Variants in LMTK2 observed in about 807,000 individuals in gnomAD.
The protein encoded by LMTK2 is lemur tail kinase 2, also known as serine/threonine-protein kinase LMTK2.
In LMTK2, 37 loss-of-function variants were observed where a neutral mutation model predicts 127.5. The observed-to-expected ratio is 0.29, with a 90% CI of 0.22 to 0.38. The LOEUF is 0.38. Among genes scored for constraint, LMTK2 ranks in the 10% least tolerant of loss-of-function variants. LMTK2 has a pLI of 1.00. For synonymous variants in LMTK2, 819 were observed against 810.1 expected (o/e 1.01, Z -0.19); for missense variants, 1,694 against 1,920.3 (o/e 0.88, Z 2.20).
Position 98,128,305 on chromosome 7 carries a change from A to G in LMTK2, c.104-9010A>G, listed in dbSNP as rs116662689. 6.2e-3 allele frequency among the ~76,000 whole-genome samples: 942 copies of G among 152,304 alleles called. 13 individuals carry two copies. The highest frequency in any genetic ancestry group is 0.021 in the African/African-American group (878 of 41,540). Reference sequence around the variant, plus strand: ...GAGTCCTGAGGGCGGGCCGTAGTCCATTCTCACTGTTGTCCTTGTAAAATG... The same window carrying G: ...GAGTCCTGAGGGCGGGCCGTAGTCCGTTCTCACTGTTGTCCTTGTAAAATG... On this transcript the variant is annotated intron_variant, in intron 1 of 13. Transcript: ENST00000297293.
intron 3 of LMTK2, among the ~76,000 whole-genome samples, chr7:98,144,022 C>T (rs1445996494): frequency 6.6e-6 from 1 of 152,164 alleles, no homozygotes; most frequent in Non-Finnish European, 1.5e-5. Flanking sequence ...ATACCACATA[C>T]AAGCAATTCT....
rs149759145 is a variant in LMTK2, at chr7:98,194,134, C to G, written c.3669C>G (p.Cys1223Trp). ...TCGAGACACAGGACGATCGCCCCTG[C>G]ACCCTCGCTTCCACGGGGACCAACA... ...DDFETQDDRPCTLASTGTNTN... is the reference protein window; with the variant it reads ...DDFETQDDRPWTLASTGTNTN... Residue 1223 changes from cysteine (C) to tryptophan (W), a missense_variant, in exon 11 of 14, where the codon TGC becomes TGG. This residue lies in a region of LMTK2 where 554 missense variants were observed against 567.7 expected (regional missense o/e 0.98). Transcript: ENST00000297293. The surrounding 1 kb of genome is among the most constrained non-coding windows in gnomAD (Gnocchi z 5.4). 11 of 1,614,016 alleles carry G rather than the reference C, an allele frequency of 6.8e-6. No homozygotes were observed. The highest frequency in any genetic ancestry group is 9.3e-6 in the Non-Finnish European group (11 of 1,180,044).
intron 1 of LMTK2, among the ~76,000 whole-genome samples, chr7:98,130,992 A>G: frequency 6.6e-6 from 1 of 152,184 alleles, no homozygotes; most frequent in East Asian, 1.9e-4. Context: ...GAAAGCTTCA[A>G]GCATGCAAGA....
intron 1 of LMTK2, among the ~76,000 whole-genome samples, chr7:98,130,826 A>G (rs1796511071): frequency 1.3e-5 from 2 of 152,184 alleles, no homozygotes; most frequent in Admixed American, 6.5e-5. Context: ...CCAAAACTAG[A>G]GAATAAATTT....
rs897842917 is a variant in LMTK2, at chr7:98,119,861, T to C, written c.103+12581T>C. ...TGTTTTGTTTTGCTAGGATAATATGTTGTTAGCATCTTGCTTTTAAAAAGT... is the reference window on the plus strand; with the variant it reads ...TGTTTTGTTTTGCTAGGATAATATGCTGTTAGCATCTTGCTTTTAAAAAGT... On this transcript the variant is annotated intron_variant, in intron 1 of 13. Coordinates refer to ENST00000297293, the MANE Select transcript of LMTK2 (RefSeq NM_014916.4). Among the ~76,000 whole-genome samples the C allele has an allele frequency of 1.4e-4, 21 of 152,396 alleles. No individual in the cohort carries two copies. The Middle Eastern group carries it at 0.014, about 99-fold the overall frequency.
chr7:98,151,159 A>C (rs898523697), intron 3 of LMTK2, among the ~76,000 whole-genome samples: 3 of 152,228 alleles, frequency 2.0e-5, no homozygotes, highest in African/African-American at 7.2e-5. Context: ...TCGGAAAAAA[A>C]ACAATGCGCA....
At chr7:98,156,970 G>A (rs6465654) in intron 5 of LMTK2, among the ~76,000 whole-genome samples, 54,504 of 152,108 alleles carry the variant, frequency 0.36, 12,648 homozygotes, top group Middle Eastern at 0.6. Flanking sequence ...GTCATCCGCT[G>A]GGTACGGTGC....
chr7:98,161,195 C>A (rs1178990567), intron 6 of LMTK2, among the ~76,000 whole-genome samples: 2 of 151,012 alleles, frequency 1.3e-5, no homozygotes, highest in Non-Finnish European at 3.0e-5. Flanking sequence ...TTGTTTGTTT[C>A]AATTTTCCCC....
Position 98,194,491 on chromosome 7 carries a change from C to T in LMTK2, c.4026C>T (p.Pro1342=), listed in dbSNP as rs747283665. 4.3e-6 allele frequency: 7 copies of T among 1,613,654 alleles called. No homozygotes were observed. Among genetic ancestry groups the T allele is most frequent in the African/African-American group, 2.7e-5 (2 of 74,922 alleles). ...TGAAGCCCACAGCGGCCAATGCCCC[C>T]GACCCACTGCCCGAGGACTGGAAGA... ...SLLKPTAANA[P]DPLPEDWKKE... Residue 1342 remains proline, a synonymous_variant, in exon 11 of 14, where the codon CCC becomes CCT. Coordinates refer to ENST00000297293, the MANE Select transcript of LMTK2 (RefSeq NM_014916.4). The surrounding 1 kb of genome is among the most constrained non-coding windows in gnomAD (Gnocchi z 5.4).
intron 7 of LMTK2, among the ~76,000 whole-genome samples, chr7:98,172,599 A>G (rs1797210864): frequency 1.3e-5 from 2 of 152,314 alleles, no homozygotes; most frequent in East Asian, 1.9e-4. Context: ...AAACAACACA[A>G]TACGTTTAAA....
intron 3 of LMTK2, among the ~76,000 whole-genome samples, chr7:98,150,845 G>A (rs747825865): frequency 6.6e-6 from 1 of 151,636 alleles, no homozygotes; most frequent in African/African-American, 2.4e-5. Context: ...GTGTAGAGAT[G>A]GGGGCAGGTG....
intron 4 of LMTK2, among the ~76,000 whole-genome samples, chr7:98,153,129 C>A (rs1796880794): frequency 1.3e-5 from 2 of 152,098 alleles, no homozygotes; most frequent in African/African-American, 4.8e-5. Flanking sequence ...TCAGTGGGGG[C>A]ACCAAGTAGC....
chr7:98,120,205 C>T (rs939577352), intron 1 of LMTK2, among the ~76,000 whole-genome samples: 2 of 152,122 alleles, frequency 1.3e-5, no homozygotes, highest in South Asian at 2.1e-4. Context: ...TCTATGATAG[C>T]GGTTTTTGAG....
At chr7:98,164,142 G>T (rs1797056151) in intron 6 of LMTK2, among the ~76,000 whole-genome samples, 1 of 152,344 alleles carries the variant, frequency 6.6e-6, no homozygotes, top group Admixed American at 6.5e-5. Context: ...GCATTTTGTA[G>T]CTGGCCTGCA....
chr7:98,106,905 C>A lies in LMTK2; in HGVS notation c.-273C>A. 2.2e-6 allele frequency: 1 copy of A among 445,800 alleles called. No individual in the cohort carries two copies. Among genetic ancestry groups the A allele is most frequent in the Non-Finnish European group, 4.0e-6 (1 of 251,704 alleles). 27.6% of individuals were successfully genotyped at this position (445,800 alleles called of 1,614,324 possible). A position where few individuals can be genotyped will look rare whatever the true frequency, so the allele number is the denominator to read the frequency against. On this transcript the variant is annotated 5_prime_UTR_variant, in exon 1 of 14. Transcript: ENST00000297293. ...TCATGGCGGCGGGAGCGCGGCTTCC[C>A]AGGCCCGCCGCTCCGCAGGGCTGCT...
Position 98,193,885 on chromosome 7 carries a change from C to A in LMTK2, c.3420C>A (p.Val1140=). The A allele has an allele frequency of 1.2e-6, 2 of 1,614,096 alleles. No individual in the cohort carries two copies. The highest frequency in any genetic ancestry group is 1.3e-5 in the African/African-American group (1 of 75,028). ...LVQEQPLPEP[V]LPEQSPAAQD... ...AGGAGCAGCCCCTACCCGAGCCAGT[C>A]CTCCCCGAGCAAAGTCCTGCTGCCC... Residue 1140 remains valine, a synonymous_variant, in exon 11 of 14, where the codon GTC becomes GTA. Coordinates refer to ENST00000297293, the MANE Select transcript of LMTK2 (RefSeq NM_014916.4). This position sits in a 1 kb window ranked among gnomAD's most constrained non-coding sequence, Gnocchi z 4.1.
chr7:98,193,905 C>T lies in LMTK2; in HGVS notation c.3440C>T (p.Ala1147Val). 2 of 1,614,176 alleles carry T rather than the reference C, an allele frequency of 1.2e-6. No individual in the cohort carries two copies. The highest frequency in any genetic ancestry group is 1.3e-5 in the African/African-American group (1 of 75,050). Residue 1147 changes from alanine to valine, a missense_variant, in exon 11 of 14, where the codon GCT becomes GTT. Physicochemically the swap from Ala to Val is moderately conservative, Grantham distance 64 (BLOSUM62 0). Around this residue, in one of 8 missense-constraint regions of LMTK2, gnomAD observed 554 missense variants for 567.7 expected, o/e 0.98. Transcript: ENST00000297293. This position sits in a 1 kb window ranked among gnomAD's most constrained non-coding sequence, Gnocchi z 4.1. ...PEPVLPEQSP[A>V]AQDSCLEARK... ...CCAGTCCTCCCCGAGCAAAGTCCTG[C>T]TGCCCAGGATAGCTGCCTGGAAGCC... is the stretch of plus-strand genomic sequence containing the variant.
At position 98,121,700 on chromosome 7, in the gene LMTK2, C is replaced by G. The variant is rs184740501; in HGVS notation, c.103+14420C>G. 1.1e-4 allele frequency among the ~76,000 whole-genome samples: 17 copies of G among 150,962 alleles called. No homozygotes were observed. The East Asian group carries it at 3.4e-3, about 30-fold the overall frequency. On this transcript the variant is annotated intron_variant, in intron 1 of 13. Transcript: ENST00000297293. ...TAATTAGGCTGAAAAAAATCACATT[C>G]ATATTGTTTTTAAATTTGTGCCGGG...
intron 8 of LMTK2, among the ~76,000 whole-genome samples, chr7:98,185,852 C>T (rs911632676): frequency 6.6e-6 from 1 of 151,902 alleles, no homozygotes; most frequent in African/African-American, 2.4e-5. Flanking sequence ...GTGAGTCACC[C>T]CACCCAGCCT....
Sources: gnomAD v4.1 joint callset for allele counts (sites outside exome capture counted in the v4.1 genomes callset) on GRCh38, gnomAD v4.1.1 for gene constraint, gnomAD v4.1.1 regional missense constraint, Gnocchi (gnomAD v3.1) non-coding constraint, MANE v1.5 for transcripts, NCBI Gene and HGNC (gene_info 2026-07-23, HGNC 2026-07-21) for gene names.